Variants in CASQ2 observed in about 807,000 individuals in gnomAD.
CASQ2 encodes calsequestrin-2.
Under a neutral mutation model 46.5 loss-of-function variants are expected in CASQ2, and 49 were observed. The observed-to-expected ratio is 1.05, with a 90% confidence interval of 0.84 to 1.34. The LOEUF (loss-of-function observed/expected upper bound fraction) is 1.34, where lower values mean the gene tolerates loss of function less well. Among genes scored for constraint, CASQ2 ranks in the 40% most tolerant of loss-of-function variants. The probability of loss-of-function intolerance (pLI) is 0.00; values close to 1 mark genes in which losing one functional copy is unlikely to be tolerated. For synonymous variants in CASQ2, 174 were observed against 168.5 expected (o/e 1.03, Z -0.25); for missense variants, 486 against 481.3 (o/e 1.01, Z -0.09).
chr1:115,756,665 G>A (rs1648772259), intron 1 of CASQ2, among the ~76,000 whole-genome samples: 1 of 152,098 alleles, frequency 6.6e-6, no homozygotes, highest in Admixed American at 6.5e-5. Context: ...TAACTTTGGG[G>A]GCTGGGCATG....
chr1:115,738,146 C>T (rs1648027723), intron 4 of CASQ2, 78 bp downstream of exon 4: 4 of 867,962 alleles, frequency 4.6e-6, no homozygotes, highest in South Asian at 1.3e-5. Flanking sequence ...AAGACCCATC[C>T]TCTTTTGGGG....
intron 7 of CASQ2, among the ~76,000 whole-genome samples, chr1:115,722,245 G>A (rs140895213): frequency 2.0e-5 from 3 of 152,114 alleles, no homozygotes; most frequent in Admixed American, 6.6e-5. Flanking sequence ...AATTCAATAC[G>A]CTGCTCTCTT....
At position 115,746,762 on chromosome 1, in the gene CASQ2, C is replaced by G. The variant is rs565637712; in HGVS notation, c.235-1850G>C. 1.9e-4 allele frequency among the ~76,000 whole-genome samples: 29 copies of G among 151,794 alleles called. 1 individual carries two copies. Among genetic ancestry groups the G allele is most frequent in the African/African-American group, 7.0e-4 (29 of 41,410 alleles). On this transcript the variant is annotated intron_variant, in intron 1 of 10. Transcript: ENST00000261448. The stretch of plus-strand genomic sequence containing the variant: ...TGGTTTACAAGCATTTTTTTTTACT[C>G]TGTATGTGTGTTATTTCATCTTCTT...
chr1:115,744,381 C>A (rs1648309948), intron 2 of CASQ2, among the ~76,000 whole-genome samples: 1 of 152,170 alleles, frequency 6.6e-6, no homozygotes, highest in African/African-American at 2.4e-5. Context: ...TTAAAAAGCA[C>A]TGTTACCCTG....
chr1:115,748,498 A>C (rs1648462631), intron 1 of CASQ2, among the ~76,000 whole-genome samples: 3 of 151,322 alleles, frequency 2.0e-5, no homozygotes, highest in Admixed American at 6.6e-5. Flanking sequence ...ATGGCAGGTA[A>C]CAAATAAGCC....
chr1:115,751,645 C>G (rs1648587307), intron 1 of CASQ2, among the ~76,000 whole-genome samples: 1 of 148,562 alleles, frequency 6.7e-6, no homozygotes, highest in Admixed American at 6.8e-5. Context: ...GCACTCCAGA[C>G]TGGGCAACAG....
At chr1:115,702,484 TC>T (rs1481562686) in intron 10 of CASQ2, among the ~76,000 whole-genome samples, 30 of 152,320 alleles carry the variant, frequency 2.0e-4, no homozygotes, top group African/African-American at 6.7e-4. Flanking sequence ...TTTTCTTCCT[TC>T]CCTTCTGCAG....
intron 1 of CASQ2, among the ~76,000 whole-genome samples, chr1:115,763,426 G>A (rs1302009637): frequency 6.6e-6 from 1 of 152,090 alleles, no homozygotes; most frequent in East Asian, 1.9e-4. Context: ...CCCCAGAGAG[G>A]AGGAGTGAAT....
intron 9 of CASQ2, among the ~76,000 whole-genome samples, chr1:115,704,594 T>G (rs754270986): frequency 2.0e-4 from 31 of 152,224 alleles, no homozygotes; most frequent in Non-Finnish European, 3.5e-4. Context: ...ACATGTAGTG[T>G]ACAAATGCTG....
Position 115,718,386 on chromosome 1 carries a change from G to A in CASQ2, c.784-492C>T, listed in dbSNP as rs146290996. ...CAGATTATGGAGGCTTCTGAATGCT[G>A]TGGACAGATCCTGAAACTATATCCA... On this transcript the variant is annotated intron_variant, in intron 7 of 10. Coordinates refer to ENST00000261448, the MANE Select transcript of CASQ2 (RefSeq NM_001232.4). Among the ~76,000 whole-genome samples the A allele has an allele frequency of 4.2e-3, 640 of 152,328 alleles. 5 individuals are homozygous for A. The highest frequency in any genetic ancestry group is 0.015 in the African/African-American group (611 of 41,570).
At chr1:115,766,974 T>A (rs993589827) in intron 1 of CASQ2, among the ~76,000 whole-genome samples, 5 of 152,198 alleles carry the variant, frequency 3.3e-5, no homozygotes, top group Admixed American at 6.5e-5. Context: ...GAAATGAATG[T>A]CCTTGCCTGT....
chr1:115,703,129 A>C lies in CASQ2; in HGVS notation c.940-134T>G. ...CAAAACAGCTGTGAGCACTTAGCAA[A>C]TTGAAGACTTGGCCCCAGCCTTCAA... On this transcript the variant is annotated intron_variant, in intron 9 of 10. Transcript: ENST00000261448. 3 of 718,084 alleles carry C rather than the reference A, an allele frequency of 4.2e-6. No individual in the cohort carries two copies. In the South Asian group the frequency reaches 4.5e-5, roughly 11 times the overall value. The allele number at this position is 718,084 out of a possible 1,614,324, so 44.5% of individuals were successfully genotyped here.
chr1:115,745,011 C>T, intron 1 of CASQ2, 99 bp from the exon 2 acceptor site: 2 of 863,712 alleles, frequency 2.3e-6, no homozygotes, highest in Non-Finnish European at 3.9e-6. Flanking sequence ...AGGGTTTCCT[C>T]TATACTTGCT....
At chr1:115,714,227 G>A (rs1219617231) in intron 8 of CASQ2, among the ~76,000 whole-genome samples, 1 of 152,124 alleles carries the variant, frequency 6.6e-6, no homozygotes, top group Non-Finnish European at 1.5e-5. Flanking sequence ...GGGTTCTTGT[G>A]TACATATAAG....
chr1:115,700,376 G>A lies in CASQ2; in HGVS notation c.*865C>T, dbSNP rs997002632. 1.3e-5 allele frequency: 2 copies of A among 152,614 alleles called. No individual in the cohort carries two copies. Among genetic ancestry groups the A allele is most frequent in the African/African-American group, 4.8e-5 (2 of 41,434 alleles). 9.5% of individuals were successfully genotyped at this position (152,614 alleles called of 1,614,324 possible). ...GGGAAGGCTCACTAGCAGCTACAGA[G>A]AAGGGGTATTCAGATCCCAGCTTAG... On this transcript the variant is annotated 3_prime_UTR_variant, in exon 11 of 11. Coordinates refer to ENST00000261448, the MANE Select transcript of CASQ2 (RefSeq NM_001232.4).
chr1:115,758,880 A>C (rs1353419073), intron 1 of CASQ2, among the ~76,000 whole-genome samples: 1 of 152,204 alleles, frequency 6.6e-6, no homozygotes, highest in Non-Finnish European at 1.5e-5. Flanking sequence ...TAAACCTTTT[A>C]TTCTTTATAA....
intron 8 of CASQ2, among the ~76,000 whole-genome samples, chr1:115,714,076 C>G (rs970005647): frequency 1.3e-5 from 2 of 152,214 alleles, no homozygotes; most frequent in Admixed American, 1.3e-4. Context: ...TCATATAACT[C>G]TATGGCAGGG....
chr1:115,740,781 T>A lies in CASQ2; in HGVS notation c.367A>T (p.Ile123Leu), dbSNP rs754139403. ...SLYILKGDRT[I>L]EFDGEFAADV... ...GCTGCAAACTCGCCATCAAACTCTATTGTGCGATCACCCTTAAGAATATAC... is the reference window on the plus strand; with the variant it reads ...GCTGCAAACTCGCCATCAAACTCTAATGTGCGATCACCCTTAAGAATATAC... Residue 123 changes from isoleucine to leucine, a missense_variant, in exon 3 of 11, where the codon ATA (isoleucine) becomes TTA (leucine). Physicochemically the swap from Ile to Leu is conservative, Grantham distance 5. Transcript: ENST00000261448. 3 of 1,613,790 alleles carry A rather than the reference T, an allele frequency of 1.9e-6. No individual in the cohort carries two copies. The highest frequency in any genetic ancestry group is 2.5e-6 in the Non-Finnish European group (3 of 1,179,798).
At chr1:115,725,415 C>T (rs1351079581) in intron 7 of CASQ2, 93 bp downstream of exon 7, 5 of 1,420,504 alleles carry the variant, frequency 3.5e-6, no homozygotes, top group Non-Finnish European at 5.0e-6. Flanking sequence ...GCCAAATAAA[C>T]TTGGTTTGAG....
Sources: allele counts gnomAD v4.1 joint callset (sites outside exome capture counted in the v4.1 genomes callset), GRCh38; gene constraint gnomAD v4.1.1; transcripts MANE v1.5; gene names NCBI Gene and HGNC (gene_info 2026-07-23, HGNC 2026-07-21).